The following GPAT4 variants were observed in gnomAD, a reference collection of about 807,000 sequenced individuals.
GPAT4 encodes 1-AGP acyltransferase 6.
Under a neutral mutation model 58.0 loss-of-function variants are expected in GPAT4, and 17 were observed. The observed-to-expected ratio is 0.29, with a 90% confidence interval of 0.20 to 0.44. The LOEUF is 0.44. GPAT4 is among the 20% of genes least tolerant of loss of function. The pLI, the probability that GPAT4 is intolerant of heterozygous loss-of-function variation, is 1.00. For synonymous variants in GPAT4, 204 were observed against 210.1 expected (o/e 0.97, Z 0.25); for missense variants, 377 against 574.5 (o/e 0.66, Z 3.51).
rs1380827417 is a variant in GPAT4, at chr8:41,599,092, A to G, written c.-48A>G. The G allele has an allele frequency of 5.7e-6, 9 of 1,571,322 alleles. No individual in the cohort carries two copies. The highest frequency in any genetic ancestry group is 7.7e-6 in the Non-Finnish European group (9 of 1,164,426). ...TCAGGAAGGACCATCTGAAGGCTGC[A>G]ATTTGTTCTTAGGGAGGCAGGTGCT... On this transcript the variant is annotated 5_prime_UTR_variant, in exon 2 of 13. Coordinates refer to ENST00000396987, the MANE Select transcript of GPAT4 (RefSeq NM_178819.4).
intron 9 of GPAT4, 74 bp from the exon 10 acceptor site, chr8:41,614,882 TATACTTA>T: frequency 8.5e-7 from 1 of 1,169,840 alleles, no homozygotes; most frequent in East Asian, 2.4e-5. Context: ...TTTTGACTAT[TATACTTA>T]GTCTTTAAGA....
rs1235585288 is a variant in GPAT4, at chr8:41,598,302, A to G, written c.-838A>G. 2 of 152,402 alleles carry G rather than the reference A, an allele frequency of 1.3e-5. No homozygotes were observed. Among genetic ancestry groups the G allele is most frequent in the African/African-American group, 4.8e-5 (2 of 41,590 alleles). The allele number at this position is 152,402 out of a possible 1,614,324, so 9.4% of individuals were successfully genotyped here. ...GTTTCCCTCCCCCAGCTTTGGCAGC[A>G]TGTAAGCAGCTGTTTGCCAAGAACC... On this transcript the variant is annotated 5_prime_UTR_variant, in exon 2 of 13. The change abolishes an upstream ATG in the 5' untranslated region. Transcript: ENST00000396987.
rs559125783 is a variant in GPAT4 at position 41,601,818 on chromosome 8, C to T, written c.165+2514C>T. The stretch of plus-strand genomic sequence containing the variant: ...TTATTTAAAATGTACATCCCTATGA[C>T]TTTTAATGTAGATTATGATACAATG... On this transcript the variant is annotated intron_variant, in intron 2 of 12. Coordinates refer to ENST00000396987, the MANE Select transcript of GPAT4 (RefSeq NM_178819.4). Among the ~76,000 whole-genome samples the T allele has an allele frequency of 2.0e-5, 3 of 152,294 alleles. No individual in the cohort carries two copies. The East Asian group carries it at 5.8e-4, about 29-fold the overall frequency.
chr8:41,613,063 G>A, intron 8 of GPAT4, 103 bp downstream of exon 8: 1 of 852,168 alleles, frequency 1.2e-6, no homozygotes, highest in South Asian at 2.0e-5. Flanking sequence ...TCTATCATAA[G>A]CCTATACTGC....
chr8:41,618,483 C>T (rs1275661791), intron 10 of GPAT4: 2 of 644,514 alleles, frequency 3.1e-6, no homozygotes, highest in Non-Finnish European at 2.7e-6. Context: ...TAGCAGAGGC[C>T]GGGTTCCTCG....
chr8:41,581,625 CTTTTTTTTTTTT>C (rs567790530), intron 1 of GPAT4, among the ~76,000 whole-genome samples: 2 of 110,556 alleles, frequency 1.8e-5, no homozygotes, highest in Admixed American at 1.8e-4. Flanking sequence ...CCTTTGTTGA[CTTTTTTTTTTTT>C]TTTTTTTTTG....
intron 4 of GPAT4, 138 bp downstream of exon 4, chr8:41,610,093 T>C: frequency 1.4e-6 from 2 of 1,470,632 alleles, no homozygotes; most frequent in Non-Finnish European, 1.8e-6. Context: ...CGTGACTCTT[T>C]GGAGGGATAC....
At chr8:41,593,500 T>G (rs1802846878) in intron 1 of GPAT4, among the ~76,000 whole-genome samples, 1 of 152,228 alleles carries the variant, frequency 6.6e-6, no homozygotes, top group Non-Finnish European at 1.5e-5. Flanking sequence ...ACGGTGAGTT[T>G]CCTCATGCTT....
At chr8:41,609,987 T>C (rs760508617) in intron 4 of GPAT4, 32 bp downstream of exon 4, 1 of 1,566,220 alleles carries the variant, frequency 6.4e-7, no homozygotes, top group Non-Finnish European at 8.7e-7. Context: ...TGGGGCTCGC[T>C]GCTGCCACCC....
intron 10 of GPAT4, among the ~76,000 whole-genome samples, chr8:41,618,048 A>G (rs1427265930): frequency 1.3e-5 from 2 of 152,204 alleles, no homozygotes; most frequent in Non-Finnish European, 2.9e-5. Context: ...TACCTGCTTC[A>G]TGGTAGATGC....
At chr8:41,610,522 G>A in intron 4 of GPAT4, 7 of 1,424,586 alleles carry the variant, frequency 4.9e-6, no homozygotes, top group Non-Finnish European at 6.4e-6. Context: ...GCAGGCAGCT[G>A]AGAGCCAGAC....
At chr8:41,605,925 G>T (rs987621810) in intron 2 of GPAT4, among the ~76,000 whole-genome samples, 4 of 152,158 alleles carry the variant, frequency 2.6e-5, no homozygotes, top group Non-Finnish European at 4.4e-5. Context: ...GCAGCATGTG[G>T]ATCGGAGGGA....
Position 41,621,229 on chromosome 8 carries a change from C to T in GPAT4, c.*228C>T, listed in dbSNP as rs1333239517. The T allele has an allele frequency of 3.5e-6, 2 of 578,998 alleles. No homozygotes were observed. The highest frequency in any genetic ancestry group is 6.1e-6 in the Non-Finnish European group (2 of 329,380). The allele number at this position is 578,998 out of a possible 1,614,324, so 35.9% of individuals were successfully genotyped here. A position where few individuals can be genotyped will look rare whatever the true frequency, so the allele number is the denominator to read the frequency against. On this transcript the variant is annotated 3_prime_UTR_variant, in exon 13 of 13. Coordinates refer to ENST00000396987, the MANE Select transcript of GPAT4 (RefSeq NM_178819.4). ...TGCTGCTGGGTGTTGCGACCCAGGA[C>T]GAGATGCCTTGTTTCTTTTACAATA...
At chr8:41,612,396 G>A (rs992631881) in intron 7 of GPAT4, 123 bp downstream of exon 7, 7 of 896,834 alleles carry the variant, frequency 7.8e-6, no homozygotes, top group Non-Finnish European at 1.2e-5. Flanking sequence ...CCACCTTACT[G>A]TCACTGTGGG....
At chr8:41,598,097 A>T (rs565464291) in intron 1 of GPAT4, among the ~76,000 whole-genome samples, 195 bp from the exon 2 acceptor site, 1 of 152,182 alleles carries the variant, frequency 6.6e-6, no homozygotes, top group Non-Finnish European at 1.5e-5. Flanking sequence ...TGAAACCTCT[A>T]TGTTTCCCTC....
chr8:41,581,056 A>G (rs983862641), intron 1 of GPAT4, among the ~76,000 whole-genome samples: 3 of 152,244 alleles, frequency 2.0e-5, no homozygotes, highest in African/African-American at 4.8e-5. Flanking sequence ...TGGGTAAAGT[A>G]GAACCTCATT....
intron 1 of GPAT4, among the ~76,000 whole-genome samples, chr8:41,580,990 A>C (rs548281320): frequency 2.0e-5 from 3 of 152,222 alleles, no homozygotes; most frequent in Non-Finnish European, 4.4e-5. Flanking sequence ...TCTCTAAGCT[A>C]TCTGGAGATG....
intron 1 of GPAT4, among the ~76,000 whole-genome samples, chr8:41,592,059 T>TA (rs1802804136): frequency 6.6e-6 from 1 of 152,222 alleles, no homozygotes; most frequent in African/African-American, 2.4e-5. Context: ...AGGCCCATAA[T>TA]ATGGTATGAT....
intron 2 of GPAT4, among the ~76,000 whole-genome samples, chr8:41,603,196 G>C (rs1803150921): frequency 6.6e-6 from 1 of 152,162 alleles, no homozygotes; most frequent in Admixed American, 6.5e-5. Flanking sequence ...TCTCCCTCCT[G>C]TCAGTGCATT....
Sources: allele counts gnomAD v4.1 joint callset (sites outside exome capture counted in the v4.1 genomes callset), GRCh38; gene constraint gnomAD v4.1.1; transcripts MANE v1.5; gene names NCBI Gene and HGNC (gene_info 2026-07-23, HGNC 2026-07-21).